Variants in WDR41 observed in about 807,000 individuals in gnomAD.
The protein encoded by WDR41 is WD repeat domain 41.
Under a neutral mutation model 69.3 loss-of-function variants are expected in WDR41, and 63 were observed. That is an observed-to-expected ratio of 0.91 (90% CI 0.74 to 1.12). The LOEUF (loss-of-function observed/expected upper bound fraction) is 1.12, where lower values mean the gene tolerates loss of function less well. Among genes scored for constraint, WDR41 ranks in the 50% most tolerant of loss-of-function variants. WDR41 has a pLI of 0.00. For synonymous variants in WDR41, 185 were observed against 192.1 expected (o/e 0.96, Z 0.31); for missense variants, 543 against 534.5 (o/e 1.02, Z -0.16).
intron 1 of WDR41, among the ~76,000 whole-genome samples, chr5:77,511,611 G>A (rs937015678): frequency 1.5e-4 from 23 of 151,898 alleles, no homozygotes; most frequent in Non-Finnish European, 3.1e-4. Context: ...TATGTAACCC[G>A]TGGAGCAATG....
At chr5:77,605,110 G>C (rs1273141055) in intron 1 of WDR41, among the ~76,000 whole-genome samples, 6 of 152,076 alleles carry the variant, frequency 3.9e-5, no homozygotes, top group African/African-American at 1.4e-4. Flanking sequence ...CCAAATTGTT[G>C]AGTCAACTTT....
intron 1 of WDR41, among the ~76,000 whole-genome samples, chr5:77,501,305 C>T (rs190400662): frequency 3.4e-4 from 52 of 152,366 alleles, no homozygotes; most frequent in African/African-American, 1.2e-3. Context: ...AACTGCAAGG[C>T]GGCAGCCTGG....
chr5:77,614,655 G>A (rs946407631), intron 1 of WDR41, among the ~76,000 whole-genome samples: 1 of 141,632 alleles, frequency 7.1e-6, no homozygotes, highest in Non-Finnish European at 1.5e-5. Flanking sequence ...GTGGGGTGGG[G>A]GGGGAGGGGG....
At chr5:77,543,335 G>A (rs1476964759) in intron 1 of WDR41, among the ~76,000 whole-genome samples, 1 of 152,292 alleles carries the variant, frequency 6.6e-6, no homozygotes, top group South Asian at 2.1e-4. Flanking sequence ...AAGAATTCAG[G>A]AGGTTAGTTA....
chr5:77,443,511 A>G (rs1313779112), intron 8 of WDR41, among the ~76,000 whole-genome samples: 1 of 152,186 alleles, frequency 6.6e-6, no homozygotes, highest in Non-Finnish European at 1.5e-5. Flanking sequence ...AACAGACTCT[A>G]TAGAACTTGC....
intron 1 of WDR41, among the ~76,000 whole-genome samples, chr5:77,513,953 C>T (rs1648556845): frequency 7.3e-6 from 1 of 137,790 alleles, no homozygotes; most frequent in Admixed American, 7.7e-5. Flanking sequence ...ATATATTTTT[C>T]TTCTTTTGTT....
chr5:77,537,121 G>T (rs928590635), intron 1 of WDR41, among the ~76,000 whole-genome samples: 6 of 152,222 alleles, frequency 3.9e-5, no homozygotes, highest in Admixed American at 1.3e-4. Context: ...ACATTTTGGT[G>T]CATTCCAAGG....
chr5:77,442,383 G>C (rs1799199505), intron 8 of WDR41, among the ~76,000 whole-genome samples: 1 of 151,954 alleles, frequency 6.6e-6, no homozygotes. Flanking sequence ...CTTAGATATG[G>C]AAATATATTT....
chr5:77,481,602 T>C (rs1386100476), intron 2 of WDR41, among the ~76,000 whole-genome samples: 1 of 151,816 alleles, frequency 6.6e-6, no homozygotes, highest in Non-Finnish European at 1.5e-5. Flanking sequence ...CTGGCCAATA[T>C]GGTGAAACCC....
chr5:77,480,591 A>G (rs1801185905), intron 2 of WDR41, among the ~76,000 whole-genome samples: 1 of 151,006 alleles, frequency 6.6e-6, no homozygotes, highest in Non-Finnish European at 1.5e-5. Context: ...ACCAAACACC[A>G]CATATTCTCA....
intron 1 of WDR41, among the ~76,000 whole-genome samples, chr5:77,513,604 T>G (rs771463306): frequency 3.3e-5 from 5 of 152,180 alleles, no homozygotes; most frequent in Admixed American, 6.5e-5. Flanking sequence ...ATACTAGACA[T>G]GACAAGAAGT....
intron 1 of WDR41, chr5:77,582,938 A>T (rs1743968204): frequency 6.2e-7 from 1 of 1,609,532 alleles, no homozygotes; most frequent in Non-Finnish European, 8.5e-7. Context: ...ATCTGCATGG[A>T]GGATTTGATT....
chr5:77,557,905 T>C (rs1459308848), intron 1 of WDR41, among the ~76,000 whole-genome samples: 1 of 152,076 alleles, frequency 6.6e-6, no homozygotes, highest in African/African-American at 2.4e-5. Flanking sequence ...TACAAAAGAA[T>C]GTATACGGTA....
At chr5:77,582,942 T>A (rs1048611894) in intron 1 of WDR41, 3 of 1,609,298 alleles carry the variant, frequency 1.9e-6, no homozygotes, top group Non-Finnish European at 2.5e-6. Context: ...GCATGGAGGA[T>A]TTGATTCATG....
upstream of WDR41, among the ~76,000 whole-genome samples, chr5:77,496,512 C>T (rs975685949): frequency 6.6e-6 from 1 of 151,924 alleles, no homozygotes; most frequent in African/African-American, 2.4e-5. Flanking sequence ...ATTCCATTTA[C>T]AATAGCATCT....
In WDR41 at chr5:77,463,274, A is replaced by G. The variant is rs755325876; in HGVS notation, c.217-48T>C. ...AATAGGCTTAGCTTTCACAATTTAG[A>G]TAATCATAAATGACTACATTAAGTA... On this transcript the variant is annotated intron_variant, in intron 3 of 12. Coordinates refer to ENST00000296679, the MANE Select transcript of WDR41 (RefSeq NM_018268.4). 5 of 1,540,166 alleles carry G rather than the reference A, an allele frequency of 3.2e-6. No individual in the cohort carries two copies. In the African/African-American group the frequency reaches 6.9e-5, roughly 21 times the overall value.
At chr5:77,545,193 CTAAA>C (rs1231435499) in intron 1 of WDR41, among the ~76,000 whole-genome samples, 2 of 151,350 alleles carry the variant, frequency 1.3e-5, no homozygotes, top group Non-Finnish European at 2.9e-5. Flanking sequence ...GTTCCTAGCC[CTAAA>C]TGCCTACATC....
At chr5:77,442,938 A>AT (rs113249075) in intron 8 of WDR41, among the ~76,000 whole-genome samples, 1 of 137,528 alleles carries the variant, frequency 7.3e-6, no homozygotes, top group Non-Finnish European at 1.5e-5. Context: ...TTTACATATT[A>AT]TTTATTTTAC....
intron 1 of WDR41, among the ~76,000 whole-genome samples, chr5:77,506,909 A>G (rs561491520): frequency 6.6e-6 from 1 of 152,118 alleles, no homozygotes; most frequent in Non-Finnish European, 1.5e-5. Context: ...TGGGGGAGGG[A>G]TAGCATTAGG....
Sources: allele counts gnomAD v4.1 joint callset (sites outside exome capture counted in the v4.1 genomes callset), GRCh38; gene constraint gnomAD v4.1.1; transcripts MANE v1.5; gene names NCBI Gene and HGNC (gene_info 2026-07-23, HGNC 2026-07-21).